The following TRIP10 variants were observed in gnomAD, a reference collection of about 807,000 sequenced individuals.
TRIP10 encodes cdc42-interacting protein 4.
Under a neutral mutation model 80.9 loss-of-function variants are expected in TRIP10, and 54 were observed. The ratio of observed to expected loss-of-function variants is 0.67; its 90% confidence interval spans 0.54 to 0.84. TRIP10 has a LOEUF of 0.84. Ranked by LOEUF, TRIP10 falls within the 40% of genes least tolerant of loss-of-function variation. The probability of loss-of-function intolerance (pLI) is 0.00; values close to 1 mark genes in which losing one functional copy is unlikely to be tolerated. For synonymous variants in TRIP10, 321 were observed against 307.2 expected (o/e 1.04, Z -0.47); for missense variants, 773 against 815.3 (o/e 0.95, Z 0.63).
chr19:6,739,817 C>T (rs1968854638), intron 1 of TRIP10, 32 bp downstream of exon 1: 1 of 1,448,370 alleles, frequency 6.9e-7, no homozygotes, highest in Admixed American at 2.4e-5. Flanking sequence ...CTAAGTTCCC[C>T]TTTGCTGGGG....
At position 6,745,306 on chromosome 19, in the gene TRIP10, T is replaced by A; in HGVS notation, c.984+312T>A. On this transcript the variant is annotated intron_variant, in intron 9 of 14. Coordinates refer to ENST00000313244, the MANE Select transcript of TRIP10 (RefSeq NM_001288962.2). The surrounding 1 kb of genome is among the most constrained non-coding windows in gnomAD (Gnocchi z 7.2). ...GGCTGGTGACACCATCCCTGGGGAC[T>A]CCCCGAGTTTCTCTCTCCATCCTGC... 1 of 377,704 alleles carries A rather than the reference T, an allele frequency of 2.6e-6. No homozygotes were observed. The highest frequency in any genetic ancestry group is 4.3e-5 in the South Asian group (1 of 23,072). 23.4% of individuals were successfully genotyped at this position (377,704 alleles called of 1,614,324 possible). A position where few individuals can be genotyped will look rare whatever the true frequency, so the allele number is the denominator to read the frequency against.
Position 6,744,629 on chromosome 19 carries a change from G to C in TRIP10, c.718G>C (p.Glu240Gln), listed in dbSNP as rs562362041. 2 of 1,613,746 alleles carry C rather than the reference G, an allele frequency of 1.2e-6. No individual in the cohort carries two copies. The highest frequency in any genetic ancestry group is 2.2e-5 in the South Asian group (2 of 91,050). The change falls in exon 8 of 15, where the codon GAG becomes CAG. Residue 240 changes from glutamate (E) to glutamine (Q), a missense_variant. Transcript: ENST00000313244. The surrounding 1 kb of genome is among the most constrained non-coding windows in gnomAD (Gnocchi z 4.9). ...TGGGCTCCTGTCGGAGGCCGAGCTG[G>C]AGGTGGTGCCCATAATAGCCAAGTG... ...GYGLLSEAEL[E>Q]VVPIIAKCLE...
chr19:6,745,734 A>G lies in TRIP10; in HGVS notation c.985-295A>G. ...ACATAACATTCCAGAGACCTAGGAGATACCGGGGGAGTGAGAGTTCTGGCT... is the reference window on the plus strand; with the variant it reads ...ACATAACATTCCAGAGACCTAGGAGGTACCGGGGGAGTGAGAGTTCTGGCT... On this transcript the variant is annotated intron_variant, in intron 9 of 14. Transcript: ENST00000313244. The surrounding 1 kb of genome is among the most constrained non-coding windows in gnomAD (Gnocchi z 7.2). The G allele has an allele frequency of 1.0e-6, 1 of 985,052 alleles. No homozygotes were observed. The highest frequency in any genetic ancestry group is 1.2e-6 in the Non-Finnish European group (1 of 829,848). The allele number at this position is 985,052 out of a possible 1,614,324, so 61.0% of individuals were successfully genotyped here. A position where few individuals can be genotyped will look rare whatever the true frequency, so the allele number is the denominator to read the frequency against.
chr19:6,741,251 A>G lies in TRIP10; in HGVS notation c.167A>G (p.Lys56Arg), dbSNP rs1235858500. 2 of 1,611,736 alleles carry G rather than the reference A, an allele frequency of 1.2e-6. No individual in the cohort carries two copies. The highest frequency in any genetic ancestry group is 2.2e-5 in the East Asian group (1 of 44,852). ...LRSLVKKYLP[K>R]RPAKDDPESK... ...AGCCTGGTGAAAAAATATCTGCCCA[A>G]GAGACCTGCCAAGGATGATCCTGAG... Residue 56 changes from lysine to arginine, a missense_variant, in exon 3 of 15, where the codon AAG becomes AGG. By Grantham distance (26) the Lys-to-Arg change is conservative (BLOSUM62 2). Transcript: ENST00000313244.
chr19:6,742,797 AAAT>A (rs1968960817), intron 3 of TRIP10, among the ~76,000 whole-genome samples, 167 bp from the exon 4 acceptor site: 1 of 151,746 alleles, frequency 6.6e-6, no homozygotes, highest in Non-Finnish European at 1.5e-5. Flanking sequence ...AAAAAAAAAA[AAAT>A]CTACTCAAGG....
rs1449097154 is a variant in TRIP10 at position 6,745,873 on chromosome 19, T to C, written c.985-156T>C. 1.0e-6 allele frequency: 1 copy of C among 985,372 alleles called. No homozygotes were observed. Among genetic ancestry groups the C allele is most frequent in the Non-Finnish European group, 1.2e-6 (1 of 829,924 alleles). The allele number at this position is 985,372 out of a possible 1,614,324, so 61.0% of individuals were successfully genotyped here. A position where few individuals can be genotyped will look rare whatever the true frequency, so the allele number is the denominator to read the frequency against. On this transcript the variant is annotated intron_variant, in intron 9 of 14. Coordinates refer to ENST00000313244, the MANE Select transcript of TRIP10 (RefSeq NM_001288962.2). This position sits in a 1 kb window ranked among gnomAD's most constrained non-coding sequence, Gnocchi z 7.2. Reference sequence around the variant, plus strand: ...CTTGAGTTGTGGTTTTCTTACCGTTTTTTTTCTTTCTCCATTTTGTTTTTC... The same window carrying C: ...CTTGAGTTGTGGTTTTCTTACCGTTCTTTTTCTTTCTCCATTTTGTTTTTC...
chr19:6,750,307 G>A lies in TRIP10; in HGVS notation c.1411G>A (p.Ala471Thr). 6.2e-7 allele frequency: 1 copy of A among 1,614,084 alleles called. No homozygotes were observed. The highest frequency in any genetic ancestry group is 8.5e-7 in the Non-Finnish European group (1 of 1,180,016). The stretch of plus-strand genomic sequence containing the variant: ...CTCCTCCCAGGCGTGGCTGGCAGAA[G>A]CTGAAAGTCGAGTCCTTAGCAACCG... ...VQKYEAWLAE[A>T]ESRVLSNRGD... Residue 471 changes from alanine (A) to threonine (T), a missense_variant, in exon 13 of 15, where the codon GCT (alanine) becomes ACT (threonine). Coordinates refer to ENST00000313244, the MANE Select transcript of TRIP10 (RefSeq NM_001288962.2).
intron 11 of TRIP10, among the ~76,000 whole-genome samples, chr19:6,747,943 TAGAAGAAGA>T (rs142268882): frequency 1.3e-5 from 2 of 150,826 alleles, no homozygotes; most frequent in East Asian, 3.9e-4. Flanking sequence ...CCCCATCTCT[TAGAAGAAGA>T]AGAAGAAAAA....
chr19:6,740,907 G>T, intron 1 of TRIP10, 103 bp from the exon 2 acceptor site: 6 of 1,028,112 alleles, frequency 5.8e-6, no homozygotes, highest in Non-Finnish European at 7.2e-6. Context: ...TTCTAGGAGC[G>T]CAGAGCCTTG....
intron 3 of TRIP10, 118 bp from the exon 4 acceptor site, chr19:6,742,849 T>G: frequency 2.2e-6 from 3 of 1,388,136 alleles, no homozygotes; most frequent in South Asian, 2.8e-5. Context: ...TTGTCATCGC[T>G]TCAGGGATTA....
chr19:6,739,696 G>C lies in TRIP10; in HGVS notation c.-66G>C. 8.0e-7 allele frequency: 1 copy of C among 1,257,600 alleles called. No individual in the cohort carries two copies. Among genetic ancestry groups the C allele is most frequent in the South Asian group, 3.1e-5 (1 of 31,920 alleles). The allele number at this position is 1,257,600 out of a possible 1,614,324, so 77.9% of individuals were successfully genotyped here. ...CCCTCGGCTGAGTCTCCCCGGGGAG[G>C]GCGGCGGGCGGCGGGCGGCGGGGAC... is the stretch of plus-strand genomic sequence containing the variant. On this transcript the variant is annotated 5_prime_UTR_variant, in exon 1 of 15. Transcript: ENST00000313244.
In TRIP10 at chr19:6,743,180, T is replaced by C. The variant is rs758785650; in HGVS notation, c.346-14T>C. ...CTGGAACCCTGGCGAGCCTTATCAC[T>C]CTTCTTTCTGTAGCACTTCCAAGAA... On this transcript the variant is annotated splice_polypyrimidine_tract_variant and intron_variant, in intron 4 of 14. Transcript: ENST00000313244. 6.2e-7 allele frequency: 1 copy of C among 1,614,146 alleles called. No individual in the cohort carries two copies. Among genetic ancestry groups the C allele is most frequent in the Non-Finnish European group, 8.5e-7 (1 of 1,179,994 alleles).
In TRIP10 at chr19:6,750,101, C is replaced by CG. The variant is rs747513325; in HGVS notation, c.1395+38dup. On this transcript the variant is annotated intron_variant, in intron 12 of 14. Transcript: ENST00000313244. ...GACCCTGGGGAGGGGCGGGAGCCAGCGGGCCTGGCTGAGTCACTGCTGGGT... is the reference window on the plus strand; with the variant it reads ...GACCCTGGGGAGGGGCGGGAGCCAGCGGGGCCTGGCTGAGTCACTGCTGGGT... 180 of 490,952 alleles carry CG rather than the reference C, an allele frequency of 3.7e-4. No individual in the cohort carries two copies. In the African/African-American group the frequency reaches 5.9e-3, roughly 16 times the overall value. The allele number at this position is 490,952 out of a possible 1,614,324, so 30.4% of individuals were successfully genotyped here.
At chr19:6,742,190 G>A (rs901133772) in intron 3 of TRIP10, among the ~76,000 whole-genome samples, 5 of 151,706 alleles carry the variant, frequency 3.3e-5, no homozygotes, top group African/African-American at 1.2e-4. Flanking sequence ...AGGAGTTCGA[G>A]AGCAGCCTGG....
Position 6,743,727 on chromosome 19 carries a change from T to A in TRIP10, c.533T>A (p.Leu178His). Reference protein sequence around the residue: ...DVEKAKQQAHLRSHMAEESKN... With the variant: ...DVEKAKQQAHHRSHMAEESKN... Reference sequence around the variant, plus strand: ...CTTCAGGCCAAGCAGCAAGCCCACCTTCGGAGTCACATGGCCGAAGAAAGC... The same window carrying A: ...CTTCAGGCCAAGCAGCAAGCCCACCATCGGAGTCACATGGCCGAAGAAAGC... Residue 178 changes from leucine to histidine, a missense_variant, in exon 7 of 15, where the codon CTT becomes CAT. Coordinates refer to ENST00000313244, the MANE Select transcript of TRIP10 (RefSeq NM_001288962.2). The A allele has an allele frequency of 6.2e-7, 1 of 1,614,028 alleles. No individual in the cohort carries two copies. The highest frequency in any genetic ancestry group is 8.5e-7 in the Non-Finnish European group (1 of 1,180,004).
At chr19:6,750,851 C>G (rs1470139795) in intron 14 of TRIP10, among the ~76,000 whole-genome samples, 1 of 152,146 alleles carries the variant, frequency 6.6e-6, no homozygotes, top group East Asian at 1.9e-4. Context: ...CAAAAATTAG[C>G]CAGGTGTGGT....
At position 6,743,748 on chromosome 19, in the gene TRIP10, A is replaced by C. The variant is rs756979602; in HGVS notation, c.554A>C (p.Glu185Ala). The change falls in exon 7 of 15, where the codon GAA becomes GCA. Residue 185 changes from glutamate (E) to alanine (A), a missense_variant. Glu to Ala is a moderately radical substitution (Grantham distance 107, BLOSUM62 -1). Coordinates refer to ENST00000313244, the MANE Select transcript of TRIP10 (RefSeq NM_001288962.2). ...CACCTTCGGAGTCACATGGCCGAAG[A>C]AAGCAAAAACGAATATGCGGCTCAA... ...QAHLRSHMAE[E>A]SKNEYAAQLQ... is the part of the protein sequence containing the mutation. 3 of 1,614,092 alleles carry C rather than the reference A, an allele frequency of 1.9e-6. No individual in the cohort carries two copies. The South Asian group carries it at 3.3e-5, about 18-fold the overall frequency.
chr19:6,745,733 G>A lies in TRIP10; in HGVS notation c.985-296G>A, dbSNP rs1299233038. ...GACATAACATTCCAGAGACCTAGGAGATACCGGGGGAGTGAGAGTTCTGGC... is the reference window on the plus strand; with the variant it reads ...GACATAACATTCCAGAGACCTAGGAAATACCGGGGGAGTGAGAGTTCTGGC... On this transcript the variant is annotated intron_variant, in intron 9 of 14. Coordinates refer to ENST00000313244, the MANE Select transcript of TRIP10 (RefSeq NM_001288962.2). This position sits in a 1 kb window ranked among gnomAD's most constrained non-coding sequence, Gnocchi z 7.2. The A allele has an allele frequency of 2.0e-6, 2 of 985,060 alleles. No homozygotes were observed. Among genetic ancestry groups the A allele is most frequent in the East Asian group, 1.1e-4 (1 of 8,810 alleles). 61.0% of individuals were successfully genotyped at this position (985,060 alleles called of 1,614,324 possible).
At chr19:6,749,108 T>C (rs1339701421) in intron 11 of TRIP10, among the ~76,000 whole-genome samples, 1 of 152,092 alleles carries the variant, frequency 6.6e-6, no homozygotes, top group Admixed American at 6.6e-5. Context: ...TTTTAAAAAT[T>C]ATTTTGATTT....
Sources: gnomAD v4.1 joint callset for allele counts (sites outside exome capture counted in the v4.1 genomes callset) on GRCh38, gnomAD v4.1.1 for gene constraint, Gnocchi (gnomAD v3.1) non-coding constraint, MANE v1.5 for transcripts, NCBI Gene and HGNC (gene_info 2026-07-23, HGNC 2026-07-21) for gene names.